Variants in PALM2AKAP2 observed in about 807,000 individuals in gnomAD.
The protein encoded by PALM2AKAP2 is PALM2-AKAP2 fusion protein.
Under a neutral mutation model 71.5 loss-of-function variants are expected in PALM2AKAP2, and 37 were observed. The ratio of observed to expected loss-of-function variants is 0.52; its 90% confidence interval spans 0.40 to 0.68. PALM2AKAP2 has a LOEUF of 0.68. Ranked by LOEUF, PALM2AKAP2 falls within the 30% of genes least tolerant of loss-of-function variation. The pLI is 0.00. For missense variants in PALM2AKAP2, 1,224 were observed against 1,191.8 expected (o/e 1.03, Z -0.40); for synonymous variants, 468 against 478.8 (o/e 0.98, Z 0.29).
At chr9:109,668,429 T>C (rs574304414) in intron 1 of PALM2AKAP2, among the ~76,000 whole-genome samples, 8 of 152,338 alleles carry the variant, frequency 5.3e-5, no homozygotes, top group African/African-American at 1.7e-4. Flanking sequence ...ACATTCTTGT[T>C]TTATCCCACT....
chr9:109,980,313 G>T (rs1832247836), intron 6 of PALM2AKAP2, among the ~76,000 whole-genome samples: 1 of 152,162 alleles, frequency 6.6e-6, no homozygotes, highest in Non-Finnish European at 1.5e-5. Context: ...AACCTTGCCT[G>T]CCATCGAGGC....
intron 1 of PALM2AKAP2, among the ~76,000 whole-genome samples, chr9:109,844,675 T>G (rs2769153): frequency 1 from 152,340 of 152,350 alleles, 76,165 homozygotes; most frequent in Middle Eastern, 1. Flanking sequence ...ACACGTGCTC[T>G]CACATGTGCA....
chr9:109,696,322 TA>T lies in PALM2AKAP2; in HGVS notation c.5+55457del, dbSNP rs1250654181. On this transcript the variant is annotated intron_variant, in intron 1 of 6. Coordinates refer to the PALM2AKAP2 transcript ENST00000374531. ...CAGTTCATTGAAATGGAAATAAAAATAGCTTTAAAACATATTGAAAAATATT... is the reference window on the plus strand; with the variant it reads ...CAGTTCATTGAAATGGAAATAAAAATGCTTTAAAACATATTGAAAAATATT... Among the ~76,000 whole-genome samples, 4 of 152,290 alleles carry T rather than the reference TA, an allele frequency of 2.6e-5. No homozygotes were observed. The South Asian group carries it at 8.3e-4, about 32-fold the overall frequency.
At chr9:110,168,981 C>T (rs1049472698) in exon 4 of PALM2AKAP2, 3 of 152,856 alleles carry the variant, frequency 2.0e-5, no homozygotes, top group African/African-American at 7.2e-5. Flanking sequence ...ACTCCATTTT[C>T]TCCAGCAGCC....
At chr9:110,077,788 G>A (rs968460012) in intron 1 of PALM2AKAP2, among the ~76,000 whole-genome samples, 1 of 152,146 alleles carries the variant, frequency 6.6e-6, no homozygotes, top group African/African-American at 2.4e-5. Context: ...GGCCGAGGTG[G>A]TCGGATCACG....
At chr9:110,050,234 G>A (rs1300260322) in intron 1 of PALM2AKAP2, among the ~76,000 whole-genome samples, 1 of 152,158 alleles carries the variant, frequency 6.6e-6, no homozygotes, top group Non-Finnish European at 1.5e-5. Flanking sequence ...TGTCTCCCGG[G>A]AAGCGCTCTT....
intron 2 of PALM2AKAP2, among the ~76,000 whole-genome samples, chr9:109,869,841 G>A (rs964764708): frequency 2.0e-5 from 3 of 152,150 alleles, no homozygotes; most frequent in Non-Finnish European, 4.4e-5. Context: ...CCCAACACTC[G>A]CACCATGGCA....
At position 110,122,431 on chromosome 9, in the gene PALM2AKAP2, G is replaced by A. The variant is rs145067704; in HGVS notation, c.157-13696G>A. ...GCTTCTATGAGCACTGCTGCATTTT[G>A]GGGATTCATGGCTTCTAGCCAGAGC... On this transcript the variant is annotated intron_variant, in intron 1 of 3. Coordinates refer to ENST00000374525, the Ensembl canonical transcript of PALM2AKAP2. 1.9e-3 allele frequency among the ~76,000 whole-genome samples: 291 copies of A among 152,320 alleles called. 6 individuals are homozygous for A. The highest frequency in any genetic ancestry group is 6.3e-3 in the African/African-American group (261 of 41,564).
intron 1 of PALM2AKAP2, among the ~76,000 whole-genome samples, chr9:109,661,332 AT>A (rs1249260482): frequency 6.6e-6 from 1 of 152,116 alleles, no homozygotes; most frequent in Admixed American, 6.6e-5. Context: ...TCTTGAATTA[AT>A]TTTTGTGTAA....
intron 1 of PALM2AKAP2, among the ~76,000 whole-genome samples, chr9:109,721,881 A>G (rs1211736234): frequency 1.3e-5 from 2 of 152,226 alleles, no homozygotes; most frequent in African/African-American, 4.8e-5. Flanking sequence ...ATCATCTGTC[A>G]TACCTAAATA....
At chr9:110,011,760 T>G (rs922484293) in intron 6 of PALM2AKAP2, among the ~76,000 whole-genome samples, 1 of 152,198 alleles carries the variant, frequency 6.6e-6, no homozygotes, top group South Asian at 2.1e-4. Context: ...TCCAAGATTC[T>G]TAGCATTGTG....
At position 110,052,059 on chromosome 9, in the gene PALM2AKAP2, C is replaced by T. The variant is rs184943720; in HGVS notation, c.156+3204C>T. On this transcript the variant is annotated intron_variant, in intron 1 of 3. Coordinates refer to ENST00000374525, the Ensembl canonical transcript of PALM2AKAP2. ...CTGAGACTACAGGTGCCCACCACCACGCCCAGCTAATTTTTTGTATTTTTA... is the reference window on the plus strand; with the variant it reads ...CTGAGACTACAGGTGCCCACCACCATGCCCAGCTAATTTTTTGTATTTTTA... 9.0e-3 allele frequency among the ~76,000 whole-genome samples: 1,363 copies of T among 152,002 alleles called. 6 individuals carry two copies. Among genetic ancestry groups the T allele is most frequent in the Non-Finnish European group, 0.013 (914 of 67,896 alleles).
intron 1 of PALM2AKAP2, among the ~76,000 whole-genome samples, chr9:109,722,406 G>A (rs776959175): frequency 6.6e-6 from 1 of 152,166 alleles, no homozygotes; most frequent in African/African-American, 2.4e-5. Context: ...ATAGGAGTGG[G>A]AGGGGAACTT....
At chr9:110,025,886 A>C (rs913600586) in intron 7 of PALM2AKAP2, among the ~76,000 whole-genome samples, 2 of 151,982 alleles carry the variant, frequency 1.3e-5, no homozygotes, top group African/African-American at 2.4e-5. Context: ...TCAATTATTA[A>C]ATTGAAGCAC....
At chr9:109,748,544 C>A (rs961842890) in intron 1 of PALM2AKAP2, among the ~76,000 whole-genome samples, 17 of 152,184 alleles carry the variant, frequency 1.1e-4, no homozygotes, top group African/African-American at 3.9e-4. Context: ...ATGCTAACAT[C>A]ATTGTATTGG....
chr9:110,153,842 A>G (rs1836380964), intron 2 of PALM2AKAP2, among the ~76,000 whole-genome samples: 1 of 152,272 alleles, frequency 6.6e-6, no homozygotes. Context: ...TTAAGTCAGT[A>G]TGTGAAAATG....
chr9:110,048,518 T>C (rs1833640168), upstream of PALM2AKAP2: 1 of 579,942 alleles, frequency 1.7e-6, no homozygotes, highest in Admixed American at 3.7e-5. Flanking sequence ...GTGCATCGAT[T>C]CCGCCGAAGC....
intron 2 of PALM2AKAP2, among the ~76,000 whole-genome samples, chr9:110,150,224 C>T (rs912409041): frequency 2.6e-5 from 4 of 152,194 alleles, no homozygotes; most frequent in South Asian, 4.2e-4. Context: ...TCTGGCACCT[C>T]GATCTTGGAC....
chr9:109,701,867 G>C (rs1828066320), intron 1 of PALM2AKAP2, among the ~76,000 whole-genome samples: 1 of 152,054 alleles, frequency 6.6e-6, no homozygotes, highest in East Asian at 1.9e-4. Context: ...CTAATATCCA[G>C]AATCTACAAT....
Sources: gnomAD v4.1 joint callset for allele counts (sites outside exome capture counted in the v4.1 genomes callset) on GRCh38, gnomAD v4.1.1 for gene constraint, MANE v1.5 for transcripts, NCBI Gene and HGNC (gene_info 2026-07-23, HGNC 2026-07-21) for gene names.